The following TEX11 variants were observed in gnomAD, a reference collection of about 807,000 sequenced individuals.
The protein encoded by TEX11 is testis-expressed protein 11.
TEX11 carries 7 observed loss-of-function variants against 84.4 expected under a neutral mutation model. That is an observed-to-expected ratio of 0.08 (90% CI 0.05 to 0.16). The LOEUF (loss-of-function observed/expected upper bound fraction) is 0.16. Among genes scored for constraint, TEX11 ranks in the 10% least tolerant of loss-of-function variants. The probability of loss-of-function intolerance (pLI) is 1.00; values close to 1 mark genes in which losing one functional copy is unlikely to be tolerated. For missense variants in TEX11, 551 were observed against 660.5 expected (o/e 0.83, Z 1.82); for synonymous variants, 264 against 222.8 (o/e 1.18, Z -1.64).
At position 70,646,273 on chromosome X, in the gene TEX11, A is replaced by G. The variant is rs772258024; in HGVS notation, c.1483+5177T>C. 6.0e-4 allele frequency among the ~76,000 whole-genome samples: 67 copies of G among 112,368 alleles called. 1 individual carries two copies. Among genetic ancestry groups the G allele is most frequent in the Non-Finnish European group, 1.2e-3 (65 of 53,230 alleles). On this transcript the variant is annotated intron_variant, in intron 17 of 29. Transcript: ENST00000374333. ...CACAATATATAAAAAAGCTATTCAAAATAGATTAAAGATTTAAACGTAAGA... is the reference window on the plus strand; with the variant it reads ...CACAATATATAAAAAAGCTATTCAAGATAGATTAAAGATTTAAACGTAAGA...
intron 28 of TEX11, among the ~76,000 whole-genome samples, chrX:70,548,545 C>A (rs7879865): frequency 0.25 from 27,741 of 110,684 alleles, 3,130 homozygotes; most frequent in Middle Eastern, 0.36. Context: ...GCCAATGCCA[C>A]CCCTCTCCTA....
intron 17 of TEX11, among the ~76,000 whole-genome samples, chrX:70,646,685 C>T (rs1220870178): frequency 2.7e-5 from 3 of 111,519 alleles, no homozygotes; most frequent in African/African-American, 9.8e-5. Context: ...ATAACATCAC[C>T]CCACATCTGC....
chrX:70,588,925 C>T (rs1393708741), intron 25 of TEX11, among the ~76,000 whole-genome samples: 6 of 99,340 alleles, frequency 6.0e-5, no homozygotes, highest in African/African-American at 1.8e-4. Context: ...AGACCAAAAC[C>T]CCAACTCAAA....
At chrX:70,736,696 T>TG (rs1279067322) in intron 11 of TEX11, among the ~76,000 whole-genome samples, 1 of 110,636 alleles carries the variant, frequency 9.0e-6, no homozygotes, top group African/African-American at 3.3e-5. Context: ...ACCAAAAGAG[T>TG]GGTAACTCTT....
chrX:70,607,938 T>C (rs1269198580), intron 22 of TEX11, among the ~76,000 whole-genome samples: 1 of 112,528 alleles, frequency 8.9e-6, no homozygotes, highest in Non-Finnish European at 1.9e-5. Context: ...GATTGCAGTA[T>C]TCATTCCCTT....
chrX:70,553,425 A>G lies in TEX11; in HGVS notation c.2291-11T>C, dbSNP rs1442513791. ...TTTCCATTGCTATTACTAGAGTAAG[A>G]AAAGGAAAAAGGTTGTGAACATGAT... On this transcript the variant is annotated splice_polypyrimidine_tract_variant and intron_variant, in intron 26 of 29. Coordinates refer to ENST00000374333, the MANE Select transcript of TEX11 (RefSeq NM_031276.3). 1 of 1,120,507 alleles carries G rather than the reference A, an allele frequency of 8.9e-7. No individual in the cohort carries two copies. Among genetic ancestry groups the G allele is most frequent in the Non-Finnish European group, 1.2e-6 (1 of 823,643 alleles). 92.3% of individuals were successfully genotyped at this position (1,120,507 alleles called of 1,213,427 possible).
chrX:70,643,615 T>C (rs1327632666), intron 17 of TEX11, among the ~76,000 whole-genome samples: 16 of 108,677 alleles, frequency 1.5e-4, no homozygotes, highest in African/African-American at 1.4e-4. Flanking sequence ...GAAATAACGC[T>C]GCATATCTAC....
intron 9 of TEX11, among the ~76,000 whole-genome samples, chrX:70,803,264 A>G (rs16991279): frequency 0.02 from 2,263 of 112,409 alleles, 55 homozygotes; most frequent in African/African-American, 0.069. Context: ...ATTGAGGCAA[A>G]TACGTTGACA....
chrX:70,537,869 A>G (rs886783898), intron 28 of TEX11, among the ~76,000 whole-genome samples: 1 of 111,722 alleles, frequency 9.0e-6, no homozygotes, highest in African/African-American at 3.3e-5. Context: ...ATAAATAACA[A>G]TGAAGTTACC....
rs1184264047 is a variant in TEX11 at position 70,591,739 on chromosome X, T to A, written c.2140+12A>T. On this transcript the variant is annotated intron_variant, in intron 25 of 29. Transcript: ENST00000374333. ...TCAAACTGTGTTACCAAACTTCCAG[T>A]TCCTACTGTACCTGTTTGTTTCAGG... The A allele has an allele frequency of 1.7e-6, 2 of 1,186,326 alleles. No homozygotes were observed. The highest frequency in any genetic ancestry group is 3.6e-5 in the South Asian group (2 of 55,254).
chrX:70,558,133 CAAG>C (rs2088313801), intron 25 of TEX11, among the ~76,000 whole-genome samples: 3 of 109,718 alleles, frequency 2.7e-5, no homozygotes, highest in Non-Finnish European at 5.7e-5. Context: ...GGCAACAGAG[CAAG>C]ACTCAGTCTC....
intron 9 of TEX11, among the ~76,000 whole-genome samples, chrX:70,754,650 C>A (rs1413921753): frequency 9.0e-6 from 1 of 110,556 alleles, no homozygotes; most frequent in Non-Finnish European, 1.9e-5. Flanking sequence ...TGGGTGAGAC[C>A]CAGTGCTGTG....
At chrX:70,515,128 T>A in the TEX11 span, among the ~76,000 whole-genome samples, 12 of 111,914 alleles carry the variant, frequency 1.1e-4, no homozygotes, top group Admixed American at 5.7e-4. Flanking sequence ...TTCTTTTTTT[T>A]AAAATTATAC....
chrX:70,552,192 T>C lies in TEX11; in HGVS notation c.2454A>G (p.Val818=), dbSNP rs936700962. Residue 818 remains valine (V), a synonymous_variant, in exon 28 of 30, where the codon GTA becomes GTG. Transcript: ENST00000374333. ...NLSVPDGASN[V]ELCPLEEVWG... The stretch of plus-strand genomic sequence containing the variant: ...AAACTTCTTCCAGGGGACAGAGCTC[T>C]ACATTCGACGCCCCATCTGGCACTG... 3.6e-5 allele frequency: 44 copies of C among 1,209,610 alleles called. No homozygotes were observed. The highest frequency in any genetic ancestry group is 4.5e-5 in the Non-Finnish European group (40 of 894,937).
At chrX:70,685,364 T>A (rs1249820269) in intron 13 of TEX11, among the ~76,000 whole-genome samples, 3 of 111,025 alleles carry the variant, frequency 2.7e-5, no homozygotes. Flanking sequence ...AGACTCTGTC[T>A]CAAAAAAAAA....
At chrX:70,720,161 A>T (rs1479873561) in intron 13 of TEX11, among the ~76,000 whole-genome samples, 1 of 112,208 alleles carries the variant, frequency 8.9e-6, no homozygotes, top group East Asian at 2.8e-4. Context: ...AAAATGTGGC[A>T]TATATACACC....
chrX:70,639,645 T>C (rs1422030911), intron 17 of TEX11, among the ~76,000 whole-genome samples: 2 of 111,208 alleles, frequency 1.8e-5, no homozygotes, highest in Admixed American at 9.6e-5. Flanking sequence ...GGAGGCACCC[T>C]CCAGCAGGGG....
chrX:70,526,053 T>C (rs1313675575), downstream of TEX11, among the ~76,000 whole-genome samples: 1 of 110,916 alleles, frequency 9.0e-6, no homozygotes, highest in Non-Finnish European at 1.9e-5. Flanking sequence ...TTGGCCAGAG[T>C]GTTCACTGGG....
intron 2 of TEX11, among the ~76,000 whole-genome samples, chrX:70,886,646 T>C (rs1409497771): frequency 1.8e-5 from 2 of 111,961 alleles, no homozygotes; most frequent in Non-Finnish European, 3.8e-5. Flanking sequence ...GCATAGAATA[T>C]GCCCCTAGTA....
Sources: allele counts gnomAD v4.1 joint callset (sites outside exome capture counted in the v4.1 genomes callset), GRCh38; gene constraint gnomAD v4.1.1; transcripts MANE v1.5; gene names NCBI Gene and HGNC (gene_info 2026-07-23, HGNC 2026-07-21).